EYS: variants seen among roughly 807,000 people sequenced by gnomAD.
The protein encoded by EYS is EGF-like photoreceptor maintenance factor.
In EYS, 250 loss-of-function variants were observed where a neutral mutation model predicts 282.1. That is an observed-to-expected ratio of 0.89 (90% CI 0.80 to 0.98). The LOEUF is 0.98. EYS is among the 50% of genes least tolerant of loss of function. EYS has a pLI of 0.00. For missense variants in EYS, 4,016 were observed against 3,709.0 expected (o/e 1.08, Z -2.15); for synonymous variants, 1,355 against 1,282.9 (o/e 1.06, Z -1.20).
At chr6:64,916,171 G>A (rs557343436) in intron 15 of EYS, among the ~76,000 whole-genome samples, 1 of 152,104 alleles carries the variant, frequency 6.6e-6, no homozygotes, top group African/African-American at 2.4e-5. Flanking sequence ...GGTCCTGAGG[G>A]TATTGCACAA....
At chr6:63,732,892 A>T (rs1167398852) in intron 41 of EYS, among the ~76,000 whole-genome samples, 1 of 152,220 alleles carries the variant, frequency 6.6e-6, no homozygotes, top group East Asian at 1.9e-4. Context: ...GGTAAACTAA[A>T]TATATGATGT....
intron 29 of EYS, among the ~76,000 whole-genome samples, chr6:64,356,230 T>C (rs1309195978): frequency 1.3e-5 from 2 of 151,498 alleles, no homozygotes; most frequent in African/African-American, 2.4e-5. Context: ...TGTGGGTTCA[T>C]AGTAGGTGTG....
At chr6:65,208,000 C>T (rs1004484402) in intron 12 of EYS, among the ~76,000 whole-genome samples, 1 of 151,566 alleles carries the variant, frequency 6.6e-6, no homozygotes, top group Admixed American at 6.6e-5. Context: ...GCAACATAAA[C>T]AAAAATAGAT....
chr6:63,790,274 T>C (rs1278853965), intron 37 of EYS, among the ~76,000 whole-genome samples: 1 of 151,942 alleles, frequency 6.6e-6, no homozygotes, highest in Non-Finnish European at 1.5e-5. Context: ...TTGATCAGGG[T>C]AAAGGAGAGA....
At chr6:65,474,545 C>G (rs1765331991) in intron 5 of EYS, among the ~76,000 whole-genome samples, 1 of 151,950 alleles carries the variant, frequency 6.6e-6, no homozygotes, top group Non-Finnish European at 1.5e-5. Flanking sequence ...GAATTTAGCA[C>G]CATGTATAAG....
intron 5 of EYS, among the ~76,000 whole-genome samples, chr6:65,483,348 G>A (rs1765671926): frequency 6.6e-6 from 1 of 152,052 alleles, no homozygotes; most frequent in Admixed American, 6.6e-5. Context: ...TTAAATGTCA[G>A]TTATTAAACT....
At chr6:64,106,904 C>A (rs1399885717) in intron 31 of EYS, among the ~76,000 whole-genome samples, 1 of 148,432 alleles carries the variant, frequency 6.7e-6, no homozygotes, top group African/African-American at 2.5e-5. Context: ...TTAGGATTTT[C>A]TATTGACATA....
At chr6:65,254,726 T>C (rs537929697) in intron 12 of EYS, among the ~76,000 whole-genome samples, 65 of 151,942 alleles carry the variant, frequency 4.3e-4, no homozygotes, top group Admixed American at 1.6e-3. Context: ...AGTGGATGTT[T>C]GGTGCCTTGC....
chr6:64,275,602 G>C (rs1768083835), intron 30 of EYS, among the ~76,000 whole-genome samples: 1 of 151,590 alleles, frequency 6.6e-6, no homozygotes, highest in Non-Finnish European at 1.5e-5. Flanking sequence ...ATTTTCAGTA[G>C]AGACATGGTT....
intron 5 of EYS, among the ~76,000 whole-genome samples, chr6:65,468,453 G>A (rs998551888): frequency 5.3e-5 from 8 of 151,924 alleles, no homozygotes; most frequent in Admixed American, 1.3e-4. Flanking sequence ...CTTCAGGATG[G>A]ACTTACAACA....
At chr6:63,957,285 A>G (rs1765868863) in intron 35 of EYS, among the ~76,000 whole-genome samples, 1 of 140,612 alleles carries the variant, frequency 7.1e-6, no homozygotes, top group Admixed American at 7.7e-5. Flanking sequence ...AGACCTCAAA[A>G]AGGACACTTG....
intron 27 of EYS, among the ~76,000 whole-genome samples, 184 bp downstream of exon 27, chr6:64,438,978 A>G (rs1309914535): frequency 6.6e-6 from 1 of 151,704 alleles, no homozygotes; most frequent in Non-Finnish European, 1.5e-5. Flanking sequence ...TTGCTTAAAA[A>G]TACTTGGTTG....
chr6:65,344,494 A>G (rs955946686), intron 9 of EYS, among the ~76,000 whole-genome samples: 7 of 151,610 alleles, frequency 4.6e-5, no homozygotes, highest in African/African-American at 1.7e-4. Flanking sequence ...GAACGATAAA[A>G]AGAACACTGT....
At chr6:65,544,585 G>C (rs969952119) in intron 2 of EYS, among the ~76,000 whole-genome samples, 7 of 152,084 alleles carry the variant, frequency 4.6e-5, no homozygotes, top group Admixed American at 2.0e-4. Flanking sequence ...CGCCATGATT[G>C]TAAGTTTCCT....
chr6:65,252,671 T>G (rs1767357971), intron 12 of EYS, among the ~76,000 whole-genome samples: 1 of 152,038 alleles, frequency 6.6e-6, no homozygotes, highest in South Asian at 2.1e-4. Context: ...TGACAAACAC[T>G]TTAAAGTAGC....
At chr6:65,241,791 A>T (rs767123096) in intron 12 of EYS, among the ~76,000 whole-genome samples, 56 of 152,058 alleles carry the variant, frequency 3.7e-4, no homozygotes, top group Non-Finnish European at 3.2e-4. Flanking sequence ...ACAGAGAAAG[A>T]GTAAATCAGG....
intron 35 of EYS, among the ~76,000 whole-genome samples, chr6:63,915,052 T>C (rs774554982): frequency 3.3e-5 from 5 of 152,170 alleles, no homozygotes; most frequent in Non-Finnish European, 7.3e-5. Context: ...CACTAAACAA[T>C]AGATTTTTAA....
In EYS at chr6:65,639,732, T is replaced by C. The variant is rs534996870; in HGVS notation, c.-333+46A>G. ...TGGAAAGCAGGGAATGAGGCAAGATTATAAAAACACAGAACCTGTTTTTTC... is the reference window on the plus strand; with the variant it reads ...TGGAAAGCAGGGAATGAGGCAAGATCATAAAAACACAGAACCTGTTTTTTC... On this transcript the variant is annotated intron_variant, in intron 2 of 42. Transcript: ENST00000503581. The C allele has an allele frequency of 2.0e-5, 3 of 152,232 alleles. No individual in the cohort carries two copies. In the East Asian group the frequency reaches 5.8e-4, roughly 29 times the overall value. 9.4% of individuals were successfully genotyped at this position (152,232 alleles called of 1,614,324 possible).
intron 8 of EYS, among the ~76,000 whole-genome samples, chr6:65,364,246 T>TA (rs1764824262): frequency 1.3e-5 from 1 of 78,134 alleles, no homozygotes; most frequent in Non-Finnish European, 2.8e-5. Context: ...ATCAACTAAA[T>TA]GTTTTTTTTT....
Sources: allele counts gnomAD v4.1 joint callset (sites outside exome capture counted in the v4.1 genomes callset), GRCh38; gene constraint gnomAD v4.1.1; transcripts MANE v1.5; gene names NCBI Gene and HGNC (gene_info 2026-07-23, HGNC 2026-07-21).